Variants in KDM4C observed in about 807,000 individuals in gnomAD.
KDM4C encodes lysine-specific demethylase 4C.
KDM4C carries 81 observed loss-of-function variants against 129.3 expected under a neutral mutation model. The observed-to-expected ratio is 0.63, with a 90% CI of 0.52 to 0.75. The LOEUF (loss-of-function observed/expected upper bound fraction) is 0.75. KDM4C is among the 30% of genes least tolerant of loss of function. The pLI, the probability that KDM4C is intolerant of heterozygous loss-of-function variation, is 0.00. For synonymous variants in KDM4C, 573 were observed against 456.1 expected, an observed-to-expected ratio of 1.26 and a Z score of -3.26; for missense variants, 1,457 against 1,304.0, an observed-to-expected ratio of 1.12 and a Z score of -1.81.
intron 1 of KDM4C, among the ~76,000 whole-genome samples, chr9:6,722,772 C>G (rs1175426058): frequency 6.6e-6 from 1 of 151,992 alleles, no homozygotes; most frequent in Admixed American, 6.6e-5. Flanking sequence ...CTCCGCCTCC[C>G]AAAATGCTGG....
intron 17 of KDM4C, among the ~76,000 whole-genome samples, chr9:7,060,746 C>T (rs959785460): frequency 1.3e-5 from 2 of 152,084 alleles, no homozygotes; most frequent in African/African-American, 2.4e-5. Context: ...TCCCAAAGTG[C>T]TGGGATCATA....
Position 6,849,748 on chromosome 9 carries a change from G to A in KDM4C, c.629+48G>A, listed in dbSNP as rs201364407. The A allele has an allele frequency of 1.0e-5, 14 of 1,392,092 alleles. No homozygotes were observed. In the East Asian group the frequency reaches 3.1e-4, roughly 31 times the overall value. 86.2% of individuals were successfully genotyped at this position (1,392,092 alleles called of 1,614,324 possible). On this transcript the variant is annotated intron_variant, in intron 5 of 21. Coordinates refer to ENST00000381309, the MANE Select transcript of KDM4C (RefSeq NM_015061.6). ...ATTTACTTTGGAGTTTTGAAATTTG[G>A]GCATCAGGCACATATTGAAGAGGAT...
At chr9:6,799,390 C>G (rs1319879161) in intron 2 of KDM4C, among the ~76,000 whole-genome samples, 1 of 152,170 alleles carries the variant, frequency 6.6e-6, no homozygotes, top group Non-Finnish European at 1.5e-5. Flanking sequence ...CAGCGAAACC[C>G]CGTCTCCACC....
intron 1 of KDM4C, among the ~76,000 whole-genome samples, chr9:6,769,338 CT>C (rs1279781050): frequency 6.6e-6 from 1 of 151,730 alleles, no homozygotes; most frequent in African/African-American, 2.4e-5. Flanking sequence ...GATCTTTTTC[CT>C]TTTTTTCTTC....
chr9:6,824,501 T>G (rs1233846806), intron 4 of KDM4C, among the ~76,000 whole-genome samples: 1 of 152,136 alleles, frequency 6.6e-6, no homozygotes, highest in Non-Finnish European at 1.5e-5. Context: ...TTCTCAAACT[T>G]TCATCTTAAG....
At chr9:6,882,732 A>G (rs1844642738) in intron 6 of KDM4C, among the ~76,000 whole-genome samples, 1 of 152,098 alleles carries the variant, frequency 6.6e-6, no homozygotes, top group Non-Finnish European at 1.5e-5. Context: ...TAGAAGAAAC[A>G]TTGCTACCAA....
intron 4 of KDM4C, among the ~76,000 whole-genome samples, chr9:6,816,945 A>G (rs1258499141): frequency 6.6e-6 from 1 of 151,940 alleles, no homozygotes; most frequent in Admixed American, 6.6e-5. Flanking sequence ...TAGTAGCACA[A>G]TTTCAAATAT....
At chr9:7,004,518 G>C (rs143325802) in intron 12 of KDM4C, among the ~76,000 whole-genome samples, 2 of 152,048 alleles carry the variant, frequency 1.3e-5, no homozygotes, top group East Asian at 1.9e-4. Context: ...AATATATATA[G>C]TCATACTGTA....
At chr9:6,913,503 G>T (rs1054575670) in intron 8 of KDM4C, among the ~76,000 whole-genome samples, 4 of 152,212 alleles carry the variant, frequency 2.6e-5, no homozygotes, top group Non-Finnish European at 1.5e-5. Flanking sequence ...TTCATGTACA[G>T]TGCGCTTCTC....
At chr9:6,992,192 A>G (rs995760451) in intron 12 of KDM4C, among the ~76,000 whole-genome samples, 1 of 152,174 alleles carries the variant, frequency 6.6e-6, no homozygotes, top group African/African-American at 2.4e-5. Context: ...GGAATAGGCT[A>G]TGCTAAGGCT....
chr9:7,138,930 A>T (rs998397224), intron 19 of KDM4C, among the ~76,000 whole-genome samples: 4 of 152,316 alleles, frequency 2.6e-5, no homozygotes, highest in African/African-American at 9.6e-5. Flanking sequence ...TTATATTTGT[A>T]GGTTATGTTT....
intron 1 of KDM4C, among the ~76,000 whole-genome samples, chr9:6,784,244 C>G (rs557513289): frequency 1.3e-5 from 2 of 152,258 alleles, no homozygotes; most frequent in East Asian, 3.9e-4. Flanking sequence ...GGTCACACAG[C>G]TACTAAGTGG....
At chr9:7,157,815 CT>C (rs1012189152) in intron 19 of KDM4C, among the ~76,000 whole-genome samples, 7 of 152,000 alleles carry the variant, frequency 4.6e-5, no homozygotes, top group African/African-American at 1.2e-4. Flanking sequence ...CAAAAATTCT[CT>C]TTTTTTTGTT....
intron 6 of KDM4C, among the ~76,000 whole-genome samples, chr9:6,882,058 G>A (rs1025293823): frequency 6.6e-6 from 1 of 152,094 alleles, no homozygotes; most frequent in Non-Finnish European, 1.5e-5. Context: ...ATTGACTGTG[G>A]CACCTACAAA....
chr9:6,741,980 AT>A (rs1215634803), intron 1 of KDM4C, among the ~76,000 whole-genome samples: 6 of 149,828 alleles, frequency 4.0e-5, no homozygotes, highest in South Asian at 2.1e-4. Context: ...TTATTTATTA[AT>A]TTTTTTTTGG....
intron 12 of KDM4C, among the ~76,000 whole-genome samples, chr9:6,995,872 T>C (rs10117103): frequency 0.016 from 2,398 of 146,412 alleles, 43 homozygotes; most frequent in African/African-American, 0.049. Context: ...GGGGTTTCAC[T>C]GTGTTAGCCA....
intron 8 of KDM4C, among the ~76,000 whole-genome samples, chr9:6,940,563 T>C (rs1439079950): frequency 6.6e-6 from 1 of 152,138 alleles, no homozygotes; most frequent in Non-Finnish European, 1.5e-5. Flanking sequence ...TTTAAAATCA[T>C]CCACAAGGCA....
intron 8 of KDM4C, among the ~76,000 whole-genome samples, chr9:6,937,373 TTATA>T (rs1362959661): frequency 6.6e-6 from 1 of 152,134 alleles, no homozygotes; most frequent in Non-Finnish European, 1.5e-5. Context: ...CTTCTGCTTG[TTATA>T]TATAGTAGGG....
At chr9:7,014,953 C>T (rs1022169413) in intron 14 of KDM4C, among the ~76,000 whole-genome samples, 2 of 146,610 alleles carry the variant, frequency 1.4e-5, no homozygotes, top group Non-Finnish European at 3.0e-5. Flanking sequence ...CACACACACA[C>T]CTTACATTAT....
Sources: allele counts gnomAD v4.1 joint callset (sites outside exome capture counted in the v4.1 genomes callset), GRCh38; gene constraint gnomAD v4.1.1; transcripts MANE v1.5; gene names NCBI Gene and HGNC (gene_info 2026-07-23, HGNC 2026-07-21).